ZBTB17: variants seen among roughly 807,000 people sequenced by gnomAD.
ZBTB17 encodes the protein zinc finger and BTB domain-containing protein 17.
Under a neutral mutation model 85.1 loss-of-function variants are expected in ZBTB17, and 24 were observed. The observed-to-expected ratio is 0.28, with a 90% CI of 0.20 to 0.40. The LOEUF (loss-of-function observed/expected upper bound fraction) is 0.40. Among genes scored for constraint, ZBTB17 ranks in the 10% least tolerant of loss-of-function variants. ZBTB17 has a pLI of 1.00. For synonymous variants in ZBTB17, 464 were observed against 460.2 expected, an observed-to-expected ratio of 1.01 and a Z score of -0.11; for missense variants, 743 against 1,105.1, an observed-to-expected ratio of 0.67 and a Z score of 4.65.
intron 9 of ZBTB17, 138 bp from the exon 10 acceptor site, chr1:15,944,033 A>C: frequency 2.0e-6 from 2 of 1,007,700 alleles, no homozygotes; most frequent in Non-Finnish European, 3.1e-6. Context: ...CTGGGTCAGG[A>C]GAGGTCCCAG....
intron 3 of ZBTB17, 116 bp from the exon 4 acceptor site, chr1:15,947,239 C>T (rs939929456): frequency 4.5e-5 from 47 of 1,051,286 alleles, no homozygotes; most frequent in Non-Finnish European, 1.9e-5. Context: ...GAGTGGCAAG[C>T]CTGCATCGCC....
In ZBTB17 at chr1:15,941,911, C is replaced by T; in HGVS notation, c.*58G>A. On this transcript the variant is annotated 3_prime_UTR_variant, in exon 16 of 16. Coordinates refer to ENST00000375743, the MANE Select transcript of ZBTB17 (RefSeq NM_003443.3). ...TTATTCTCTCTAGGGAACAGGCCACCCTTCCCGGTTCCAGGGTGCCATCCA... is the reference window on the plus strand; with the variant it reads ...TTATTCTCTCTAGGGAACAGGCCACTCTTCCCGGTTCCAGGGTGCCATCCA... 1 of 1,547,368 alleles carries T rather than the reference C, an allele frequency of 6.5e-7. No individual in the cohort carries two copies. The highest frequency in any genetic ancestry group is 8.7e-7 in the Non-Finnish European group (1 of 1,150,286).
chr1:15,962,151 G>A (rs2072282318), intron 2 of ZBTB17, among the ~76,000 whole-genome samples: 1 of 152,210 alleles, frequency 6.6e-6, no homozygotes, highest in Admixed American at 6.5e-5. Context: ...AGGCTGCAGT[G>A]AGCTGAGATT....
intron 2 of ZBTB17, chr1:15,970,088 C>T: frequency 1.5e-6 from 1 of 669,118 alleles, no homozygotes; most frequent in African/African-American, 1.8e-5. Flanking sequence ...CAGAGGTCAA[C>T]CTTATAAATT....
chr1:15,968,098 A>G (rs1360821029), intron 2 of ZBTB17, among the ~76,000 whole-genome samples: 1 of 152,214 alleles, frequency 6.6e-6, no homozygotes, highest in Non-Finnish European at 1.5e-5. Flanking sequence ...CTGGCCCCAA[A>G]TGTCAGAAGT....
chr1:15,946,191 C>T lies in ZBTB17; in HGVS notation c.498G>A (p.Lys166=). The T allele has an allele frequency of 6.2e-7, 1 of 1,612,020 alleles. No individual in the cohort carries two copies. Among genetic ancestry groups the T allele is most frequent in the Non-Finnish European group, 8.5e-7 (1 of 1,179,978 alleles). Residue 166 remains lysine (K), a synonymous_variant, in exon 5 of 16, where the codon AAG becomes AAA. Coordinates refer to ENST00000375743, the MANE Select transcript of ZBTB17 (RefSeq NM_003443.3). The part of the protein sequence containing the change: ...STPIGPSRDL[K]EERGGQAQSA... The stretch of plus-strand genomic sequence containing the variant: ...TCTGGGCCTGACCGCCGCGCTCCTC[C>T]TTGAGGTCCCTGCTGGGGCCTATGG...
At chr1:15,975,725 C>T (rs1289404940) in intron 1 of ZBTB17, among the ~76,000 whole-genome samples, 2 of 152,120 alleles carry the variant, frequency 1.3e-5, no homozygotes, top group African/African-American at 4.8e-5. Flanking sequence ...TCATCCAGCC[C>T]GGGAGGTGAC....
chr1:15,942,000 G>A lies in ZBTB17; in HGVS notation c.2381C>T (p.Thr794Ile), dbSNP rs1287184446. Reference protein sequence around the residue: ...GQPALAETSPTAPECPPPAE With the variant: ...GQPALAETSPIAPECPPPAE ...GGCAGGCGGGGGACATTCAGGAGCT[G>A]TAGGGGAGGTCTCTGCCAGTGCGGG... The change falls in exon 16 of 16, where the codon ACA becomes ATA. Residue 794 changes from threonine to isoleucine, a missense_variant. By Grantham distance (89) the Thr-to-Ile change is moderately conservative. Coordinates refer to ENST00000375743, the MANE Select transcript of ZBTB17 (RefSeq NM_003443.3). 6 of 1,603,782 alleles carry A rather than the reference G, an allele frequency of 3.7e-6. No individual in the cohort carries two copies. Among genetic ancestry groups the A allele is most frequent in the African/African-American group, 1.3e-5 (1 of 75,034 alleles).
rs997793264 is a variant in ZBTB17, at chr1:15,944,723, C to A, written c.1044G>T (p.Ala348=). 6.2e-7 allele frequency: 1 copy of A among 1,610,614 alleles called. No homozygotes were observed. Among genetic ancestry groups the A allele is most frequent in the Non-Finnish European group, 8.5e-7 (1 of 1,179,906 alleles). Residue 348 remains alanine, a synonymous_variant, in exon 8 of 16, where the codon GCG becomes GCT. Transcript: ENST00000375743. The part of the protein sequence containing the change: ...ECSKAFSDPA[A]CKAHEKTHSP... ...TGTGCGTCTTCTCATGGGCCTTGCA[C>A]GCGGCCGGGTCGGAAAAGGCCTTGC...
chr1:15,951,125 C>A lies in ZBTB17; in HGVS notation c.-2-2628G>T, dbSNP rs1025593867. On this transcript the variant is annotated intron_variant, in intron 2 of 15. Transcript: ENST00000375743. The surrounding 1 kb of genome is among the most constrained non-coding windows in gnomAD (Gnocchi z 4.1). The stretch of plus-strand genomic sequence containing the variant: ...CTGCACTTTTCCAATGCAAGATGCC[C>A]GCCCAGAAGTGGGCTCCTCCCACAC... Among the ~76,000 whole-genome samples, 1 of 152,192 alleles carries A rather than the reference C, an allele frequency of 6.6e-6. No homozygotes were observed. Among genetic ancestry groups the A allele is most frequent in the African/African-American group, 2.4e-5 (1 of 41,434 alleles).
At chr1:15,947,256 C>G in intron 3 of ZBTB17, 133 bp from the exon 4 acceptor site, 1 of 928,010 alleles carries the variant, frequency 1.1e-6, no homozygotes, top group Non-Finnish European at 1.6e-6. Flanking sequence ...CGCCCCATCT[C>G]CTCTGTGGAG....
chr1:15,945,223 A>G (rs2071547290), intron 6 of ZBTB17, 21 bp from the exon 7 acceptor site: 7 of 1,549,042 alleles, frequency 4.5e-6, no homozygotes, highest in Non-Finnish European at 6.1e-6. Context: ...AAGGGCAAGC[A>G]TGGAGGCGGC....
At chr1:15,943,365 G>T in intron 12 of ZBTB17, 34 bp downstream of exon 12, 1 of 1,581,458 alleles carries the variant, frequency 6.3e-7, no homozygotes, top group Non-Finnish European at 8.6e-7. Flanking sequence ...ACTGTGGGGT[G>T]TCTGGCCAGT....
rs1557783833 is a variant in ZBTB17, at chr1:15,953,510, AT to A, written c.-2-5014del. On this transcript the variant is annotated intron_variant, in intron 2 of 15. Transcript: ENST00000375743. This position sits in a 1 kb window ranked among gnomAD's most constrained non-coding sequence, Gnocchi z 5.1. ...AGCCGCCAAGGCTCCTGCGGGTGGG[AT>A]TTGGAAGGGCTGGCCCCAGAAAGCA... Among the ~76,000 whole-genome samples, 1 of 152,204 alleles carries A rather than the reference AT, an allele frequency of 6.6e-6. No homozygotes were observed. Among genetic ancestry groups the A allele is most frequent in the Non-Finnish European group, 1.5e-5 (1 of 68,030 alleles).
chr1:15,962,891 T>C (rs1394330667), intron 2 of ZBTB17, among the ~76,000 whole-genome samples: 1 of 152,104 alleles, frequency 6.6e-6, no homozygotes, highest in Non-Finnish European at 1.5e-5. Flanking sequence ...TAGTGAGCTT[T>C]GATTGCACCT....
At chr1:15,975,295 G>A (rs916099531) in intron 1 of ZBTB17, among the ~76,000 whole-genome samples, 1 of 152,170 alleles carries the variant, frequency 6.6e-6, no homozygotes, top group African/African-American at 2.4e-5. Context: ...CTGCTTAAAG[G>A]ATGAATAAAC....
At chr1:15,959,513 G>A (rs1054290857) in intron 2 of ZBTB17, among the ~76,000 whole-genome samples, 7 of 130,706 alleles carry the variant, frequency 5.4e-5, no homozygotes, top group African/African-American at 2.3e-4. Context: ...GGAGGAGAGG[G>A]AGGGAGGGAG....
In ZBTB17 at chr1:15,966,247, C is replaced by T. The variant is rs848199; in HGVS notation, c.-3+6792G>A. 0.59 allele frequency among the ~76,000 whole-genome samples: 89,694 copies of T among 151,892 alleles called. 26,801 individuals carry two copies. The highest frequency in any genetic ancestry group is 0.67 in the Admixed American group (10,202 of 15,260). On this transcript the variant is annotated intron_variant, in intron 2 of 15. Transcript: ENST00000375743. The surrounding 1 kb of genome is among the most constrained non-coding windows in gnomAD (Gnocchi z 4.1). ...GTGATACAGCTTCCCATGGGGCAGG[C>T]TGGCGAAATTCGAGTGGAGCCTGCC... is the stretch of plus-strand genomic sequence containing the variant.
Position 15,975,989 on chromosome 1 carries a change from T to A in ZBTB17, c.-96A>T, listed in dbSNP as rs1346642855. ...GGCGATTGTTGACACTCACCTGCCA[T>A]GTCCCGGACCCCACCGCAGAGGGAG... On this transcript the variant is annotated 5_prime_UTR_variant, in exon 1 of 16. An upstream start codon of the reference 5' UTR is lost. Coordinates refer to ENST00000375743, the MANE Select transcript of ZBTB17 (RefSeq NM_003443.3). 1.4e-6 allele frequency: 1 copy of A among 699,528 alleles called. No individual in the cohort carries two copies. Among genetic ancestry groups the A allele is most frequent in the Non-Finnish European group, 2.6e-6 (1 of 383,428 alleles). 43.3% of individuals were successfully genotyped at this position (699,528 alleles called of 1,614,324 possible).
Sources: gnomAD v4.1 joint callset for allele counts (sites outside exome capture counted in the v4.1 genomes callset) on GRCh38, gnomAD v4.1.1 for gene constraint, Gnocchi (gnomAD v3.1) non-coding constraint, MANE v1.5 for transcripts, NCBI Gene and HGNC (gene_info 2026-07-23, HGNC 2026-07-21) for gene names.